Variants in UBE2L3 observed in about 807,000 individuals in gnomAD.
UBE2L3 encodes the protein ubiquitin-conjugating enzyme E2 L3.
Under a neutral mutation model 17.8 loss-of-function variants are expected in UBE2L3, and 1 was observed. That is an observed-to-expected ratio of 0.06 (90% CI 0.02 to 0.27). The LOEUF (loss-of-function observed/expected upper bound fraction) is 0.27, where lower values mean the gene tolerates loss of function less well. UBE2L3 is among the 10% of genes least tolerant of loss of function. UBE2L3 has a pLI of 1.00. For missense variants in UBE2L3, 40 were observed against 192.6 expected (o/e 0.21, Z 4.69); for synonymous variants, 44 against 68.5 (o/e 0.64, Z 1.76).
At chr22:21,576,196 C>T (rs1422754134) in intron 1 of UBE2L3, among the ~76,000 whole-genome samples, 3 of 151,216 alleles carry the variant, frequency 2.0e-5, no homozygotes, top group African/African-American at 4.9e-5. Context: ...TTCACTGCAA[C>T]CTCCGCCTCC....
At chr22:21,613,390 T>C (rs1309584216) in intron 3 of UBE2L3, among the ~76,000 whole-genome samples, 1 of 152,210 alleles carries the variant, frequency 6.6e-6, no homozygotes, top group East Asian at 1.9e-4. Context: ...AAAGTACTGT[T>C]GACTTGGGAT....
Position 21,579,113 on chromosome 22 carries a change from C to T in UBE2L3, c.27+11342C>T, listed in dbSNP as rs140146844. ...TCACGCAATTCTCCTGCCTCAGCCT[C>T]CCGAGTAGCTGGGACTACAGGTGCC... On this transcript the variant is annotated intron_variant, in intron 1 of 3. Transcript: ENST00000342192. Among the ~76,000 whole-genome samples the T allele has an allele frequency of 6.4e-3, 977 of 152,052 alleles. 10 individuals carry two copies. The highest frequency in any genetic ancestry group is 0.022 in the African/African-American group (921 of 41,456).
chr22:21,587,627 G>A (rs766181282), intron 1 of UBE2L3, among the ~76,000 whole-genome samples: 3 of 152,184 alleles, frequency 2.0e-5, no homozygotes, highest in Non-Finnish European at 2.9e-5. Flanking sequence ...TTGCCAAGAC[G>A]CAGGTGTGTA....
chr22:21,609,760 T>C (rs1929377300), intron 2 of UBE2L3, among the ~76,000 whole-genome samples: 1 of 152,062 alleles, frequency 6.6e-6, no homozygotes, highest in Non-Finnish European at 1.5e-5. Context: ...GCACAGTGGC[T>C]CACGCTTATA....
chr22:21,623,592 C>G lies in UBE2L3; in HGVS notation c.*1923C>G, dbSNP rs907305116. 1 of 152,826 alleles carries G rather than the reference C, an allele frequency of 6.5e-6. No individual in the cohort carries two copies. The highest frequency in any genetic ancestry group is 2.4e-5 in the African/African-American group (1 of 41,454). The allele number at this position is 152,826 out of a possible 1,614,324, so 9.5% of individuals were successfully genotyped here. On this transcript the variant is annotated 3_prime_UTR_variant, in exon 4 of 4. Coordinates refer to ENST00000342192, the MANE Select transcript of UBE2L3 (RefSeq NM_003347.4). ...TTTCTGCCAACGTAGCTCTGCCTGC[C>G]TGTCAACCCCTCACTGCACTCTGCT...
At chr22:21,572,902 T>C (rs1275959838) in intron 1 of UBE2L3, among the ~76,000 whole-genome samples, 2 of 152,158 alleles carry the variant, frequency 1.3e-5, no homozygotes, top group Admixed American at 6.6e-5. Context: ...CCTTCTCGGC[T>C]CTTCCTCCCT....
intron 1 of UBE2L3, 25 bp downstream of exon 1, chr22:21,567,796 C>T: frequency 2.5e-6 from 4 of 1,574,066 alleles, no homozygotes; most frequent in Non-Finnish European, 3.4e-6. Flanking sequence ...CTGGCAGCGG[C>T]CGGGCGTGGG....
chr22:21,607,764 T>G (rs1035702034), intron 2 of UBE2L3, among the ~76,000 whole-genome samples: 1 of 151,948 alleles, frequency 6.6e-6, no homozygotes, highest in Non-Finnish European at 1.5e-5. Flanking sequence ...TTTCGGGTGG[T>G]TCTAGGGGCA....
intron 1 of UBE2L3, among the ~76,000 whole-genome samples, chr22:21,560,478 T>C (rs1170090312): frequency 1.4e-5 from 2 of 144,950 alleles, no homozygotes; most frequent in African/African-American, 5.3e-5. Context: ...TGAGATGGAG[T>C]CTCGTTCTAT....
At chr22:21,559,211 G>C (rs2148390674) in intron 1 of UBE2L3, among the ~76,000 whole-genome samples, 1 of 152,350 alleles carries the variant, frequency 6.6e-6, no homozygotes, top group African/African-American at 2.4e-5. Context: ...AGCCGGACGT[G>C]GTGGCAGGTG....
intron 3 of UBE2L3, chr22:21,614,512 CCAGAGCACCTGCT>C (rs1447503662): frequency 1.6e-6 from 2 of 1,270,650 alleles, no homozygotes; most frequent in Non-Finnish European, 2.1e-6. Flanking sequence ...TCCTTTGTCT[CCAGAGCACCTGCT>C]CATGATTTTT....
chr22:21,576,219 A>G (rs746460739), intron 1 of UBE2L3, among the ~76,000 whole-genome samples: 1 of 150,932 alleles, frequency 6.6e-6, no homozygotes, highest in Non-Finnish European at 1.5e-5. Flanking sequence ...GGTTCAAGCA[A>G]TTCTTCTGCC....
chr22:21,595,913 C>T (rs927340537), intron 2 of UBE2L3, among the ~76,000 whole-genome samples: 4 of 151,618 alleles, frequency 2.6e-5, no homozygotes, highest in African/African-American at 4.8e-5. Context: ...CTCGCTCTGT[C>T]GCTATGCAGT....
chr22:21,576,390 C>T (rs977102351), intron 1 of UBE2L3, among the ~76,000 whole-genome samples: 3 of 151,532 alleles, frequency 2.0e-5, no homozygotes, highest in African/African-American at 7.3e-5. Context: ...CTCCACCTCC[C>T]AGGTTCACGC....
intron 1 of UBE2L3, chr22:21,568,367 T>A (rs1056221669): frequency 2.0e-6 from 2 of 985,272 alleles, no homozygotes; most frequent in Non-Finnish European, 2.4e-6. Context: ...GACTGCAGAG[T>A]CACACAGCGG....
At chr22:21,607,163 G>A (rs565684703) in intron 2 of UBE2L3, among the ~76,000 whole-genome samples, 164 of 152,226 alleles carry the variant, frequency 1.1e-3, no homozygotes, top group African/African-American at 3.8e-3. Flanking sequence ...ACTGGAGTGC[G>A]TACTTAGGCC....
At chr22:21,566,764 T>A (rs1008702980), upstream of UBE2L3, among the ~76,000 whole-genome samples, 1 of 151,946 alleles carries the variant, frequency 6.6e-6, no homozygotes, top group Non-Finnish European at 1.5e-5. Context: ...GACAGCCTCA[T>A]GGTCTTCGCC....
chr22:21,593,588 A>C (rs1251380856), intron 2 of UBE2L3, among the ~76,000 whole-genome samples: 1 of 151,938 alleles, frequency 6.6e-6, no homozygotes, highest in African/African-American at 2.4e-5. Context: ...GCACCCTCTT[A>C]GTGCCTACTC....
chr22:21,587,081 T>G (rs1927986340), intron 1 of UBE2L3, among the ~76,000 whole-genome samples: 1 of 151,706 alleles, frequency 6.6e-6, no homozygotes, highest in South Asian at 2.1e-4. Context: ...AGATGGGGTT[T>G]CACCATGTCA....
Sources: gnomAD v4.1 joint callset for allele counts (sites outside exome capture counted in the v4.1 genomes callset) on GRCh38, gnomAD v4.1.1 for gene constraint, MANE v1.5 for transcripts, NCBI Gene and HGNC (gene_info 2026-07-23, HGNC 2026-07-21) for gene names.